Variants in SDR42E2 observed in about 807,000 individuals in gnomAD.
The protein encoded by SDR42E2 is short chain dehydrogenase/reductase family 42E, member 2.
A neutral mutation model predicts 10.5 loss-of-function variants in SDR42E2; 20 were observed. The ratio of observed to expected loss-of-function variants is 1.90; its 90% CI spans 1.34 to 2.77. The LOEUF is 2.77. Ranked by LOEUF, SDR42E2 falls within the 30% of genes most tolerant of loss-of-function variation. The probability of loss-of-function intolerance (pLI) is 0.00; values close to 1 mark genes in which losing one functional copy is unlikely to be tolerated. For synonymous variants in SDR42E2, 72 were observed against 39.2 expected, an observed-to-expected ratio of 1.84 and a Z score of -3.12; for missense variants, 162 against 104.2, an observed-to-expected ratio of 1.55 and a Z score of -2.42.
chr16:22,175,000 C>A (rs1395021216), intron 7 of SDR42E2, among the ~76,000 whole-genome samples: 1 of 152,132 alleles, frequency 6.6e-6, no homozygotes, highest in Non-Finnish European at 1.5e-5. Context: ...TGAAACTGTT[C>A]TTCTGACTCG....
chr16:22,175,347 C>A (rs1402317662), intron 7 of SDR42E2, among the ~76,000 whole-genome samples: 2 of 152,038 alleles, frequency 1.3e-5, no homozygotes, highest in Non-Finnish European at 2.9e-5. Flanking sequence ...GTACTCCCAG[C>A]TACTCGGGAG....
chr16:22,189,291 G>A (rs2046754966), intron 12 of SDR42E2, among the ~76,000 whole-genome samples: 1 of 152,184 alleles, frequency 6.6e-6, no homozygotes, highest in African/African-American at 2.4e-5. Context: ...GAAAAAGAGA[G>A]GAAGAAATGA....
At chr16:22,179,658 A>G (rs527493362) in intron 8 of SDR42E2, among the ~76,000 whole-genome samples, 62 of 152,140 alleles carry the variant, frequency 4.1e-4, no homozygotes, top group Non-Finnish European at 6.8e-4. Context: ...CTAAAAATAC[A>G]AAAAATTAGC....
intron 12 of SDR42E2, among the ~76,000 whole-genome samples, chr16:22,188,513 C>A (rs2046750410): frequency 6.6e-6 from 1 of 152,162 alleles, no homozygotes; most frequent in African/African-American, 2.4e-5. Context: ...AGTGAAATAA[C>A]CTGCCCGTGA....
chr16:22,176,923 C>A (rs1303194657), intron 7 of SDR42E2, among the ~76,000 whole-genome samples: 1 of 152,226 alleles, frequency 6.6e-6, no homozygotes, highest in East Asian at 1.9e-4. Context: ...GGGGTACAGA[C>A]CCCGGCTCTT....
Position 22,166,416 on chromosome 16 carries a change from G to A in SDR42E2, c.222G>A (p.Pro74=), listed in dbSNP as rs760825952. The stretch of plus-strand genomic sequence containing the variant: ...GCAGACCCCAGTGGGAACTGTCCCC[G>A]GAAACCAAGTTCATCCAGGTACAAG... ...DRRRPQWELS[P]ETKFIQADVR... The change falls in exon 3 of 13, where the codon CCG becomes CCA. Residue 74 remains proline, a synonymous_variant. Coordinates refer to ENST00000602312, the MANE Select transcript of SDR42E2 (RefSeq NM_001394319.2). The A allele has an allele frequency of 2.2e-5, 9 of 402,224 alleles. No individual in the cohort carries two copies. The highest frequency in any genetic ancestry group is 7.1e-5 in the East Asian group (2 of 28,100). 24.9% of individuals were successfully genotyped at this position (402,224 alleles called of 1,614,324 possible).
In SDR42E2 at chr16:22,190,614, C is replaced by T. The variant is rs970880825; in HGVS notation, c.*221C>T. ...CTACTCCCAGACCTTGCCTTGCGCC[C>T]TTCCTGTGTTTTGGCCCCGCCCCTG... On this transcript the variant is annotated 3_prime_UTR_variant, in exon 13 of 13. Transcript: ENST00000602312. The T allele has an allele frequency of 1.4e-3, 538 of 393,172 alleles. 6 individuals carry two copies. Among genetic ancestry groups the T allele is most frequent in the Non-Finnish European group, 2.9e-4 (64 of 222,540 alleles). 24.4% of individuals were successfully genotyped at this position (393,172 alleles called of 1,614,324 possible).
intron 7 of SDR42E2, among the ~76,000 whole-genome samples, chr16:22,176,907 G>A (rs1242661137): frequency 6.6e-6 from 1 of 152,252 alleles, no homozygotes; most frequent in African/African-American, 2.4e-5. Context: ...AGATAGAGCA[G>A]TGAAAGGGGT....
intron 1 of SDR42E2, among the ~76,000 whole-genome samples, chr16:22,163,706 C>CTAAA (rs2046513656): frequency 6.6e-6 from 1 of 152,054 alleles, no homozygotes; most frequent in South Asian, 2.1e-4. Context: ...GACTCCTTCT[C>CTAAA]TAAATAAATA....
Sources: allele counts gnomAD v4.1 joint callset (sites outside exome capture counted in the v4.1 genomes callset), GRCh38; gene constraint gnomAD v4.1.1; transcripts MANE v1.5; gene names NCBI Gene and HGNC (gene_info 2026-07-23, HGNC 2026-07-21).